Variants in ZNG1A observed in about 807,000 individuals in gnomAD.
ZNG1A encodes the protein zinc-regulated GTPase metalloprotein activator 1A.
chr9:162,464 T>C, the ZNG1A span: 211 of 1,521,316 alleles, frequency 1.4e-4, no homozygotes, highest in African/African-American at 2.4e-3. Flanking sequence ...ACAATAGTTA[T>C]GATACCTACA....
At chr9:147,736 C>G in the ZNG1A span, 1 of 148,860 alleles carries the variant, frequency 6.7e-6, no homozygotes, top group Admixed American at 6.6e-5. Context: ...CGCTACTGAG[C>G]ATATTTATAT....
the ZNG1A span, chr9:171,993 T>A: frequency 6.3e-7 from 1 of 1,597,444 alleles, no homozygotes; most frequent in Non-Finnish European, 8.6e-7. Flanking sequence ...ACAAAAGCTT[T>A]AATCCTCATT....
chr9:154,762 A>C, the ZNG1A span: 1 of 1,597,004 alleles, frequency 6.3e-7, no homozygotes, highest in Non-Finnish European at 8.5e-7. Flanking sequence ...GGTCTGTTTT[A>C]TTAATGAGAA....
At chr9:124,997 C>G in the ZNG1A span, among the ~76,000 whole-genome samples, 1 of 152,182 alleles carries the variant, frequency 6.6e-6, no homozygotes, top group Non-Finnish European at 1.5e-5. Context: ...TTGCAATTGC[C>G]AATTGTGCTG....
At chr9:163,332 A>G in the ZNG1A span, among the ~76,000 whole-genome samples, 1 of 151,704 alleles carries the variant, frequency 6.6e-6, no homozygotes, top group Non-Finnish European at 1.5e-5. Flanking sequence ...TGATCCTCAT[A>G]TTGCCTGGAG....
the ZNG1A span, among the ~76,000 whole-genome samples, chr9:170,380 CAT>C: frequency 8.1e-5 from 11 of 135,872 alleles, no homozygotes; most frequent in Non-Finnish European, 1.7e-4. Context: ...TGTGTGTGCG[CAT>C]GTGCATGTGC....
the ZNG1A span, among the ~76,000 whole-genome samples, chr9:140,885 G>T: frequency 7.9e-5 from 10 of 126,738 alleles, no homozygotes; most frequent in South Asian, 6.1e-4. Flanking sequence ...CGAGAACTAC[G>T]TGAAGAATGC....
At chr9:141,366 A>G in the ZNG1A span, among the ~76,000 whole-genome samples, 1 of 148,420 alleles carries the variant, frequency 6.7e-6, no homozygotes, top group Non-Finnish European at 1.5e-5. Context: ...TACAAGCCAG[A>G]AGAGAGTGGG....
the ZNG1A span, among the ~76,000 whole-genome samples, chr9:174,959 A>G: frequency 6.6e-6 from 1 of 151,726 alleles, no homozygotes; most frequent in Non-Finnish European, 1.5e-5. Context: ...TTTTTAAAAT[A>G]TTGAGTTTTA....
chr9:164,040 G>C, the ZNG1A span: 1 of 1,580,406 alleles, frequency 6.3e-7, no homozygotes, highest in Non-Finnish European at 8.6e-7. Flanking sequence ...CACTGCACCT[G>C]AAAATATATA....
the ZNG1A span, among the ~76,000 whole-genome samples, chr9:140,265 C>T: frequency 7.4e-4 from 112 of 152,072 alleles, no homozygotes; most frequent in African/African-American, 2.7e-3. Flanking sequence ...GTGTCCCTGT[C>T]TGACAGCTTT....
At chr9:142,028 C>T in the ZNG1A span, among the ~76,000 whole-genome samples, 21 of 143,242 alleles carry the variant, frequency 1.5e-4, no homozygotes, top group African/African-American at 5.6e-4. Context: ...ACAGGAGCAC[C>T]CAGATTCATA....
the ZNG1A span, among the ~76,000 whole-genome samples, chr9:156,256 C>G: frequency 1.3e-5 from 2 of 150,446 alleles, no homozygotes; most frequent in South Asian, 4.2e-4. Context: ...TTACAGAACT[C>G]CTGTGTTCAG....
chr9:144,902 TTC>T, the ZNG1A span, among the ~76,000 whole-genome samples: 2 of 151,420 alleles, frequency 1.3e-5, no homozygotes, highest in African/African-American at 4.9e-5. Context: ...GAACAGACAC[TTC>T]TCAAAAGAAG....
the ZNG1A span, chr9:153,643 T>C: frequency 2.0e-5 from 3 of 151,982 alleles, no homozygotes; most frequent in Admixed American, 6.6e-5. Flanking sequence ...AGACATTATA[T>C]TTTTTTATAG....
the ZNG1A span, among the ~76,000 whole-genome samples, chr9:161,382 C>T: frequency 5.3e-5 from 8 of 150,786 alleles, no homozygotes; most frequent in South Asian, 8.4e-4. Context: ...ACAAGGGAAT[C>T]GCTTGAACCT....
chr9:173,515 C>G, the ZNG1A span: 5 of 1,470,178 alleles, frequency 3.4e-6, no homozygotes, highest in Non-Finnish European at 4.6e-6. Context: ...GCCTCGATAT[C>G]TAAATTACAG....
the ZNG1A span, among the ~76,000 whole-genome samples, chr9:140,309 G>C: frequency 2.0e-5 from 3 of 151,836 alleles, no homozygotes; most frequent in East Asian, 1.9e-4. Flanking sequence ...CACGCAGCTG[G>C]AGATCTGAGA....
the ZNG1A span, chr9:121,274 A>G: frequency 1.4e-6 from 1 of 736,600 alleles, no homozygotes; most frequent in Non-Finnish European, 2.1e-6. Flanking sequence ...AAAAAAAAGG[A>G]TATTATATAT....
Sources: gnomAD v4.1 joint callset for allele counts (sites outside exome capture counted in the v4.1 genomes callset) on GRCh38, gnomAD v4.1.1 for gene constraint, MANE v1.5 for transcripts, NCBI Gene and HGNC (gene_info 2026-07-23, HGNC 2026-07-21) for gene names.